The following RGS6 variants were observed in gnomAD, a reference collection of about 807,000 sequenced individuals.
RGS6 encodes the protein regulator of G protein signaling 6, also known as regulator of G-protein signaling 6.
A neutral mutation model predicts 78.5 loss-of-function variants in RGS6; 30 were observed. The ratio of observed to expected loss-of-function variants is 0.38; its 90% CI spans 0.29 to 0.52. RGS6 has a LOEUF of 0.52. RGS6 is among the 20% of genes least tolerant of loss of function. RGS6 has a pLI of 0.85. For synonymous variants in RGS6, 206 were observed against 206.0 expected (o/e 1.00, Z 0.00); for missense variants, 495 against 609.7 (o/e 0.81, Z 1.98).
At chr14:71,949,600 T>C (rs1411535506) in intron 1 of RGS6, among the ~76,000 whole-genome samples, 1 of 152,160 alleles carries the variant, frequency 6.6e-6, no homozygotes, top group Non-Finnish European at 1.5e-5. Context: ...ATTTAAAATA[T>C]CTTTTCCCGG....
intron 2 of RGS6, among the ~76,000 whole-genome samples, chr14:72,029,432 G>A (rs769794160): frequency 6.6e-6 from 1 of 152,332 alleles, no homozygotes; most frequent in Non-Finnish European, 1.5e-5. Flanking sequence ...AAAGTATCTA[G>A]AGTACCTCAT....
the RGS6 span, among the ~76,000 whole-genome samples, chr14:72,609,692 AAGG>A: frequency 2.6e-5 from 4 of 152,202 alleles, no homozygotes; most frequent in Non-Finnish European, 5.9e-5. Context: ...CATCACAGTG[AAGG>A]AGGAGGACAG....
chr14:72,541,702 G>A (rs552329637), intron 17 of RGS6: 1 of 1,441,182 alleles, frequency 6.9e-7, no homozygotes, highest in African/African-American at 1.4e-5. Context: ...GGATTTTGCT[G>A]ACAAGCCAAG....
At chr14:72,149,060 A>T (rs558448715) in intron 2 of RGS6, among the ~76,000 whole-genome samples, 1 of 152,294 alleles carries the variant, frequency 6.6e-6, no homozygotes, top group Non-Finnish European at 1.5e-5. Context: ...TGGAATCATA[A>T]GACAGCTTGC....
At chr14:72,203,748 G>T (rs922841276) in intron 2 of RGS6, among the ~76,000 whole-genome samples, 1 of 151,874 alleles carries the variant, frequency 6.6e-6, no homozygotes, top group Non-Finnish European at 1.5e-5. Context: ...TGTGGGCAAG[G>T]CATTGAAAAA....
chr14:72,244,972 C>T (rs917282585), intron 2 of RGS6, among the ~76,000 whole-genome samples: 1 of 152,096 alleles, frequency 6.6e-6, no homozygotes, highest in African/African-American at 2.4e-5. Context: ...TTACAGGCAC[C>T]CACCACCACA....
chr14:72,059,998 C>T (rs973304019), intron 2 of RGS6, among the ~76,000 whole-genome samples: 1 of 152,128 alleles, frequency 6.6e-6, no homozygotes, highest in Non-Finnish European at 1.5e-5. Context: ...TGATTTACTT[C>T]CTTGTTTGCC....
chr14:71,990,901 G>A (rs763117339), intron 2 of RGS6: 16 of 454,458 alleles, frequency 3.5e-5, no homozygotes, highest in Non-Finnish European at 6.2e-5. Flanking sequence ...AGTGCTTGGT[G>A]TAGCATCCTC....
chr14:72,457,444 C>T (rs978054588), intron 4 of RGS6, among the ~76,000 whole-genome samples: 3 of 151,918 alleles, frequency 2.0e-5, no homozygotes, highest in Non-Finnish European at 4.4e-5. Flanking sequence ...TAGCTCTGCT[C>T]AGGATAAATC....
At chr14:72,459,779 C>A in intron 6 of RGS6, 96 bp downstream of exon 6, 1 of 1,240,908 alleles carries the variant, frequency 8.1e-7, no homozygotes, top group Non-Finnish European at 1.2e-6. Context: ...CATGGTGGTA[C>A]ATGGGGAGGA....
chr14:72,162,722 A>G (rs572546178), intron 2 of RGS6, among the ~76,000 whole-genome samples: 2 of 152,310 alleles, frequency 1.3e-5, no homozygotes, highest in South Asian at 2.1e-4. Context: ...ACAATTCGCA[A>G]TTGCAAAAAT....
chr14:72,615,525 A>C, the RGS6 span, among the ~76,000 whole-genome samples: 5 of 152,260 alleles, frequency 3.3e-5, no homozygotes, highest in African/African-American at 1.2e-4. Flanking sequence ...TGAAACCATC[A>C]CTGTGAAACC....
At chr14:72,523,340 G>T (rs2097075116) in intron 15 of RGS6, among the ~76,000 whole-genome samples, 1 of 152,124 alleles carries the variant, frequency 6.6e-6, no homozygotes. Flanking sequence ...TCTCTTCTCG[G>T]TTTGCCTCTC....
chr14:72,277,483 TCTC>T (rs2060869417), intron 2 of RGS6, among the ~76,000 whole-genome samples: 1 of 151,542 alleles, frequency 6.6e-6, no homozygotes, highest in Non-Finnish European at 1.5e-5. Context: ...TGTAATCCCA[TCTC>T]CTCAGGAGGC....
chr14:71,995,804 C>T (rs1406525294), intron 2 of RGS6, among the ~76,000 whole-genome samples: 3 of 152,202 alleles, frequency 2.0e-5, no homozygotes, highest in Non-Finnish European at 2.9e-5. Flanking sequence ...TCTCCATCCC[C>T]CACCAGCTTG....
chr14:72,379,342 C>T (rs1441901470), intron 3 of RGS6, among the ~76,000 whole-genome samples: 1 of 151,476 alleles, frequency 6.6e-6, no homozygotes, highest in African/African-American at 2.4e-5. Flanking sequence ...GAGCAATTGG[C>T]AAAAAAATAA....
intron 3 of RGS6, among the ~76,000 whole-genome samples, chr14:72,379,814 AATC>A (rs1215665825): frequency 1.3e-5 from 2 of 152,132 alleles, no homozygotes; most frequent in African/African-American, 4.8e-5. Flanking sequence ...AAATAGAAAG[AATC>A]ATAAAAATGT....
At chr14:72,270,252 G>A (rs1056170084) in intron 2 of RGS6, among the ~76,000 whole-genome samples, 1 of 124,034 alleles carries the variant, frequency 8.1e-6, no homozygotes, top group Non-Finnish European at 1.8e-5. Flanking sequence ...ACTCAGCCAT[G>A]GACTAAAACG....
At chr14:72,099,233 C>T (rs1248816548) in intron 2 of RGS6, among the ~76,000 whole-genome samples, 1 of 152,082 alleles carries the variant, frequency 6.6e-6, no homozygotes, top group Non-Finnish European at 1.5e-5. Context: ...GATCTCGGCT[C>T]CCTGCAAGCT....
Sources: gnomAD v4.1 joint callset for allele counts (sites outside exome capture counted in the v4.1 genomes callset) on GRCh38, gnomAD v4.1.1 for gene constraint, MANE v1.5 for transcripts, NCBI Gene and HGNC (gene_info 2026-07-23, HGNC 2026-07-21) for gene names.